The following BMAL1 variants were observed in gnomAD, a reference collection of about 807,000 sequenced individuals.
BMAL1 encodes basic helix-loop-helix ARNT like 1.
the BMAL1 span, among the ~76,000 whole-genome samples, chr11:13,294,072 C>T: frequency 7.1e-4 from 108 of 151,252 alleles, 1 homozygote; most frequent in South Asian, 9.4e-3. Context: ...ATTTTTTTTT[C>T]CTTTTGGTAG....
chr11:13,307,810 T>G, the BMAL1 span, among the ~76,000 whole-genome samples: 1 of 152,302 alleles, frequency 6.6e-6, no homozygotes, highest in East Asian at 1.9e-4. Context: ...AGGGAGACAC[T>G]GGCTTGGAGA....
the BMAL1 span, among the ~76,000 whole-genome samples, chr11:13,284,611 T>G: frequency 6.7e-6 from 1 of 148,510 alleles, no homozygotes; most frequent in African/African-American, 2.6e-5. Flanking sequence ...CTGGAAATTG[T>G]CTTTTTTTTT....
At chr11:13,291,539 A>G in the BMAL1 span, among the ~76,000 whole-genome samples, 3 of 152,160 alleles carry the variant, frequency 2.0e-5, no homozygotes, top group Admixed American at 1.3e-4. Flanking sequence ...GGACTGGGAA[A>G]TTGCTTAGAG....
chr11:13,288,427 T>TCTTTCTTTTTTTTTC, the BMAL1 span, among the ~76,000 whole-genome samples: 841 of 65,958 alleles, frequency 0.013, 9 homozygotes, highest in African/African-American at 0.029. Flanking sequence ...TTTTTTTCTT[T>TCTTTCTTTTTTTTTC]TTTTTTTTTT....
At chr11:13,297,079 T>A in the BMAL1 span, among the ~76,000 whole-genome samples, 10 of 152,296 alleles carry the variant, frequency 6.6e-5, no homozygotes, top group Admixed American at 6.5e-4. Flanking sequence ...GTAAAGTACA[T>A]CCAGTTTGCG....
the BMAL1 span, among the ~76,000 whole-genome samples, chr11:13,325,543 A>G: frequency 1.3e-5 from 2 of 151,884 alleles, no homozygotes; most frequent in African/African-American, 2.4e-5. Flanking sequence ...CCCTTCTTAC[A>G]AACACGAACA....
the BMAL1 span, chr11:13,365,321 A>ACAAT: frequency 2.1e-6 from 1 of 475,138 alleles, no homozygotes. Context: ...ACACACACAC[A>ACAAT]ATCTTACAGT....
At chr11:13,348,051 C>A in the BMAL1 span, among the ~76,000 whole-genome samples, 1 of 152,068 alleles carries the variant, frequency 6.6e-6, no homozygotes, top group African/African-American at 2.4e-5. Flanking sequence ...AGAATGGTCA[C>A]AGGGCGTGAA....
chr11:13,304,095 A>G, the BMAL1 span, among the ~76,000 whole-genome samples: 2 of 152,110 alleles, frequency 1.3e-5, no homozygotes, highest in Non-Finnish European at 2.9e-5. Flanking sequence ...TGGGAATGAC[A>G]AGCAGAGCCA....
the BMAL1 span, chr11:13,365,525 T>C: frequency 1.9e-6 from 3 of 1,613,698 alleles, no homozygotes; most frequent in Non-Finnish European, 2.5e-6. Flanking sequence ...TTGTTTGTCG[T>C]AGGATGTGAC....
chr11:13,381,041 C>A, the BMAL1 span: 1 of 923,946 alleles, frequency 1.1e-6, no homozygotes, highest in Non-Finnish European at 1.7e-6. Context: ...TGGCCCCTTA[C>A]AGAAAAAGCT....
At chr11:13,278,033 G>C in the BMAL1 span, 8 of 151,840 alleles carry the variant, frequency 5.3e-5, no homozygotes, top group African/African-American at 7.3e-5. Context: ...GGGCAACCCG[G>C]CCGCCGAAGA....
chr11:13,310,821 A>G, the BMAL1 span, among the ~76,000 whole-genome samples: 5 of 152,236 alleles, frequency 3.3e-5, no homozygotes, highest in African/African-American at 9.6e-5. Flanking sequence ...GTTATTTTGG[A>G]TAAAGAAGTG....
chr11:13,351,994 T>G, the BMAL1 span, among the ~76,000 whole-genome samples: 9 of 152,184 alleles, frequency 5.9e-5, no homozygotes, highest in Non-Finnish European at 8.8e-5. Flanking sequence ...TTCACCCAAG[T>G]GGAAATGATT....
At chr11:13,365,282 AACACACACACACAC>A in the BMAL1 span, 34 of 182,824 alleles carry the variant, frequency 1.9e-4, no homozygotes, top group Admixed American at 2.6e-4. Context: ...GATATGCAGA[AACACACACACACAC>A]ACACACACAC....
At chr11:13,351,763 G>C in the BMAL1 span, among the ~76,000 whole-genome samples, 4 of 152,214 alleles carry the variant, frequency 2.6e-5, no homozygotes, top group South Asian at 8.3e-4. Flanking sequence ...TGTGCTGATG[G>C]GCAAGGAGAG....
At chr11:13,357,353 G>A in the BMAL1 span, among the ~76,000 whole-genome samples, 1 of 152,216 alleles carries the variant, frequency 6.6e-6, no homozygotes, top group Non-Finnish European at 1.5e-5. The surrounding 1 kb of genome is among the most constrained non-coding windows in gnomAD (Gnocchi z 4.8). Flanking sequence ...AATCAATCAA[G>A]GCTCAAGTTT....
At chr11:13,307,729 G>A in the BMAL1 span, among the ~76,000 whole-genome samples, 2 of 152,202 alleles carry the variant, frequency 1.3e-5, no homozygotes, top group South Asian at 4.1e-4. Flanking sequence ...CCTTTAAAGA[G>A]CTTCCTTTTT....
At chr11:13,322,778 C>CT in the BMAL1 span, among the ~76,000 whole-genome samples, 3,514 of 50,388 alleles carry the variant, frequency 0.07, 966 homozygotes, top group African/African-American at 0.13. Flanking sequence ...GTGAGCAAGT[C>CT]TTTTTTTTTT....
Sources: allele counts gnomAD v4.1 joint callset (sites outside exome capture counted in the v4.1 genomes callset), GRCh38; gene constraint gnomAD v4.1.1; non-coding constraint Gnocchi (gnomAD v3.1); transcripts MANE v1.5; gene names NCBI Gene and HGNC (gene_info 2026-07-23, HGNC 2026-07-21).